The following SRGAP2 variants were observed in gnomAD, a reference collection of about 807,000 sequenced individuals.
SRGAP2 encodes the protein SLIT-ROBO Rho GTPase-activating protein 2.
Under a neutral mutation model 57.2 loss-of-function variants are expected in SRGAP2, and 15 were observed. The observed-to-expected ratio is 0.26, with a 90% CI of 0.18 to 0.40. The LOEUF (loss-of-function observed/expected upper bound fraction) is 0.40. Ranked by LOEUF, SRGAP2 falls within the 10% of genes least tolerant of loss-of-function variation. The pLI is 1.00. For missense variants in SRGAP2, 520 were observed against 669.6 expected, an observed-to-expected ratio of 0.78 and a Z score of 2.47; for synonymous variants, 249 against 248.0, an observed-to-expected ratio of 1.00 and a Z score of -0.04.
chr1:206,240,655 C>T (rs1553309011), intron 2 of SRGAP2, among the ~76,000 whole-genome samples: 1 of 152,038 alleles, frequency 6.6e-6, no homozygotes. Context: ...ACAAAACAAA[C>T]ATAGCAACTA....
chr1:206,323,515 T>C (rs1553328493), intron 3 of SRGAP2, among the ~76,000 whole-genome samples: 1 of 150,876 alleles, frequency 6.6e-6, no homozygotes, highest in African/African-American at 2.4e-5. Context: ...TGCTCCTAGG[T>C]TCTCCTTGCC....
rs553334924 is a variant in SRGAP2 at position 206,333,449 on chromosome 1, G to A, written c.261-9397G>A. The A allele has an allele frequency of 3.2e-3, 4,753 of 1,486,918 alleles. 12 individuals are homozygous for A. Among genetic ancestry groups the A allele is most frequent in the Middle Eastern group, 0.012 (51 of 4,184 alleles). The allele number at this position is 1,486,918 out of a possible 1,614,324, so 92.1% of individuals were successfully genotyped here. A position where few individuals can be genotyped will look rare whatever the true frequency, so the allele number is the denominator to read the frequency against. On this transcript the variant is annotated intron_variant, in intron 3 of 22. Coordinates refer to ENST00000573034, the MANE Select transcript of SRGAP2 (RefSeq NM_015326.5). ...ACTGAGATTATCCATGTTGCTCCCC[G>A]AGGGTGAGGAACCGGCGGGGCGAGG...
intron 14 of SRGAP2, among the ~76,000 whole-genome samples, chr1:206,432,496 T>C (rs1260790083): frequency 1.3e-5 from 2 of 152,234 alleles, no homozygotes; most frequent in African/African-American, 4.8e-5. Flanking sequence ...CAGCATTGTT[T>C]GTAGTTGCAA....
chr1:206,408,806 C>T (rs1658923535), intron 10 of SRGAP2, among the ~76,000 whole-genome samples: 1 of 151,452 alleles, frequency 6.6e-6, no homozygotes, highest in Non-Finnish European at 1.5e-5. Context: ...ATCCTGCCCA[C>T]CCTTTCACTT....
chr1:206,258,111 G>C (rs1218356891), intron 2 of SRGAP2, among the ~76,000 whole-genome samples: 1 of 151,780 alleles, frequency 6.6e-6, no homozygotes, highest in Admixed American at 6.6e-5. Context: ...CCATGGGAAG[G>C]AATCTGGATT....
At chr1:206,266,996 T>C (rs1280293245) in intron 2 of SRGAP2, among the ~76,000 whole-genome samples, 1 of 117,156 alleles carries the variant, frequency 8.5e-6, no homozygotes, top group East Asian at 2.7e-4. Context: ...TGAGACGGAG[T>C]CTTGCTCTGT....
At chr1:206,411,473 C>T (rs542241925) in intron 10 of SRGAP2, among the ~76,000 whole-genome samples, 1 of 152,144 alleles carries the variant, frequency 6.6e-6, no homozygotes, top group South Asian at 2.1e-4. Context: ...GAGACATGCT[C>T]CATTTAAAGT....
chr1:206,430,088 T>G, intron 13 of SRGAP2, 74 bp from the exon 14 acceptor site: 1 of 776,246 alleles, frequency 1.3e-6, no homozygotes, highest in Non-Finnish European at 2.4e-6. Flanking sequence ...TCTGCACGGT[T>G]TGGCCCGTTT....
At chr1:206,262,929 A>T (rs1357853043) in intron 2 of SRGAP2, among the ~76,000 whole-genome samples, 2 of 95,978 alleles carry the variant, frequency 2.1e-5, no homozygotes, top group African/African-American at 4.2e-5. Flanking sequence ...ATTGTTGGAT[A>T]TTTTCCTACA....
chr1:206,460,455 A>G (rs1211509989), intron 22 of SRGAP2, among the ~76,000 whole-genome samples: 2 of 152,052 alleles, frequency 1.3e-5, no homozygotes, highest in Non-Finnish European at 2.9e-5. Context: ...AATGGTTTCA[A>G]ATTGGACACT....
At chr1:206,455,247 T>C in intron 21 of SRGAP2, 1 of 585,126 alleles carries the variant, frequency 1.7e-6, no homozygotes, top group Non-Finnish European at 3.1e-6. Context: ...GCCCTCGTGC[T>C]GTGGAAGGGT....
At chr1:206,378,355 C>T (rs2103047677) in intron 4 of SRGAP2, among the ~76,000 whole-genome samples, 1 of 152,288 alleles carries the variant, frequency 6.6e-6, no homozygotes, top group Admixed American at 6.5e-5. Flanking sequence ...TGGTACACAT[C>T]TGTCGTCCCA....
chr1:206,420,777 G>A (rs1276630088), intron 12 of SRGAP2, among the ~76,000 whole-genome samples: 1 of 152,128 alleles, frequency 6.6e-6, no homozygotes, highest in Non-Finnish European at 1.5e-5. Context: ...CAAACTAGAT[G>A]TTCTACACTC....
intron 3 of SRGAP2, among the ~76,000 whole-genome samples, chr1:206,308,006 G>A (rs1329900157): frequency 6.6e-6 from 1 of 151,638 alleles, no homozygotes; most frequent in East Asian, 1.9e-4. Context: ...CTGCCAGCAT[G>A]CTGTCACCTC....
At chr1:206,427,215 A>T (rs1008479101) in intron 13 of SRGAP2, among the ~76,000 whole-genome samples, 4 of 152,172 alleles carry the variant, frequency 2.6e-5, no homozygotes, top group Non-Finnish European at 5.9e-5. Flanking sequence ...TAATAACAGA[A>T]GTCTGTAAAC....
intron 4 of SRGAP2, among the ~76,000 whole-genome samples, chr1:206,359,563 AACTTAGTCATTCAGCAGTTC>A (rs1311357796): frequency 4.8e-5 from 4 of 83,084 alleles, no homozygotes; most frequent in East Asian, 2.9e-4. Flanking sequence ...GAGGTCATTC[AACTTAGTCATTCAGCAGTTC>A]ACTTAGTCAT....
chr1:206,298,737 G>A (rs1364571840), intron 2 of SRGAP2, among the ~76,000 whole-genome samples: 1 of 152,060 alleles, frequency 6.6e-6, no homozygotes, highest in Non-Finnish European at 1.5e-5. Context: ...TTATTCAAGT[G>A]TCATTTTTAA....
chr1:206,319,808 G>A, intron 3 of SRGAP2, among the ~76,000 whole-genome samples: 1 of 141,912 alleles, frequency 7.0e-6, no homozygotes, highest in Admixed American at 6.8e-5. Flanking sequence ...TTTTGTTGTT[G>A]TTGTTTTTTG....
At chr1:206,241,823 T>G (rs1444844118) in intron 2 of SRGAP2, among the ~76,000 whole-genome samples, 6 of 152,008 alleles carry the variant, frequency 3.9e-5, no homozygotes, top group South Asian at 4.2e-4. Context: ...ACCTGCTGTT[T>G]CTTTTAGAAA....
Sources: allele counts gnomAD v4.1 joint callset (sites outside exome capture counted in the v4.1 genomes callset), GRCh38; gene constraint gnomAD v4.1.1; transcripts MANE v1.5; gene names NCBI Gene and HGNC (gene_info 2026-07-23, HGNC 2026-07-21).